CDC37L1: variants seen among roughly 807,000 people sequenced by gnomAD.
CDC37L1 encodes the protein hsp90 co-chaperone Cdc37-like 1.
Under a neutral mutation model 45.9 loss-of-function variants are expected in CDC37L1, and 32 were observed. The ratio of observed to expected loss-of-function variants is 0.70; its 90% CI spans 0.53 to 0.94. The LOEUF (loss-of-function observed/expected upper bound fraction) is 0.94, where lower values mean the gene tolerates loss of function less well. Ranked by LOEUF, CDC37L1 falls within the 40% of genes least tolerant of loss-of-function variation. CDC37L1 has a pLI of 0.00. For synonymous variants in CDC37L1, 150 were observed against 133.0 expected, an observed-to-expected ratio of 1.13 and a Z score of -0.88; for missense variants, 434 against 405.7, an observed-to-expected ratio of 1.07 and a Z score of -0.60.
chr9:4,702,918 G>C (rs1240361973), intron 6 of CDC37L1, among the ~76,000 whole-genome samples: 1 of 141,570 alleles, frequency 7.1e-6, no homozygotes, highest in African/African-American at 2.6e-5. Context: ...AAAAAATCAT[G>C]TCATATAGGC....
chr9:4,687,688 A>T (rs946009531), intron 2 of CDC37L1, among the ~76,000 whole-genome samples: 22 of 150,764 alleles, frequency 1.5e-4, no homozygotes, highest in African/African-American at 4.6e-4. Flanking sequence ...CAAAAAAAAA[A>T]AAAAAAAAAA....
chr9:4,691,809 T>C (rs1300302983), intron 3 of CDC37L1, among the ~76,000 whole-genome samples: 1 of 152,208 alleles, frequency 6.6e-6, no homozygotes, highest in Non-Finnish European at 1.5e-5. Context: ...CTTTTTCCTC[T>C]ACATTTGTAT....
intron 4 of CDC37L1, 112 bp downstream of exon 4, chr9:4,697,323 A>T: frequency 1.6e-6 from 1 of 638,062 alleles, no homozygotes; most frequent in Non-Finnish European, 2.8e-6. Flanking sequence ...GAAAGCAGGA[A>T]GGTCATTAGA....
chr9:4,683,401 C>A (rs1300648067), intron 1 of CDC37L1, among the ~76,000 whole-genome samples: 1 of 151,740 alleles, frequency 6.6e-6, no homozygotes, highest in Non-Finnish European at 1.5e-5. Context: ...TAACTTGGGT[C>A]GGGAGACACT....
In CDC37L1 at chr9:4,706,031, T is replaced by G. The variant is rs1841438333; in HGVS notation, c.933T>G (p.Tyr311Ter). Reference protein sequence around the residue: ...SLPQNPDYLQYSISTALCSLN... With the variant: ...SLPQNPDYLQ ...CCCAGAATCCAGATTATCTTCAGTA[T>G]TCTATCAGTACAGCTCTCTGCAGCT... Residue 311 changes from tyrosine to a stop codon, truncating the protein, a stop_gained, in exon 7 of 7, where the codon TAT becomes TAG. Coordinates refer to ENST00000381854, the MANE Select transcript of CDC37L1 (RefSeq NM_017913.4). LOFTEE classifies it high-confidence loss of function. The G allele has an allele frequency of 6.3e-7, 1 of 1,585,794 alleles. No individual in the cohort carries two copies. Among genetic ancestry groups the G allele is most frequent in the Non-Finnish European group, 8.7e-7 (1 of 1,155,446 alleles).
rs1410647809 is a variant in CDC37L1 at position 4,706,781 on chromosome 9, CTT to C, written c.*671_*672del. ...TTAGAATTTGATTTTACCCTGCTGA[CTT>C]TAAGAGTTATAATAATATCAAATGT... is the stretch of plus-strand genomic sequence containing the variant. On this transcript the variant is annotated 3_prime_UTR_variant, in exon 7 of 7. Transcript: ENST00000381854. The C allele has an allele frequency of 3.3e-5, 5 of 152,262 alleles. No individual in the cohort carries two copies. Among genetic ancestry groups the C allele is most frequent in the Non-Finnish European group, 5.9e-5 (4 of 68,006 alleles). 9.4% of individuals were successfully genotyped at this position (152,262 alleles called of 1,614,324 possible).
Position 4,679,642 on chromosome 9 carries a change from T to G in CDC37L1, c.-126T>G. 3 of 852,180 alleles carry G rather than the reference T, an allele frequency of 3.5e-6. No individual in the cohort carries two copies. The highest frequency in any genetic ancestry group is 5.2e-6 in the Non-Finnish European group (3 of 573,088). 52.8% of individuals were successfully genotyped at this position (852,180 alleles called of 1,614,324 possible). On this transcript the variant is annotated 5_prime_UTR_variant, in exon 1 of 7. In the 5' UTR this introduces an upstream ATG that the reference lacks. Coordinates refer to ENST00000381854, the MANE Select transcript of CDC37L1 (RefSeq NM_017913.4). The stretch of plus-strand genomic sequence containing the variant: ...GCGGCGTCGCGGCCAGTAGAGGGAT[T>G]CTGGGTAACGGCCCGGACCCCCGGC...
chr9:4,695,879 C>T (rs1841343176), intron 3 of CDC37L1, among the ~76,000 whole-genome samples: 1 of 152,184 alleles, frequency 6.6e-6, no homozygotes, highest in Admixed American at 6.5e-5. Context: ...CAACCTCCGC[C>T]TCCTGGGTTC....
intron 6 of CDC37L1, chr9:4,703,139 G>A (rs909996354): frequency 5.9e-6 from 9 of 1,513,870 alleles, no homozygotes; most frequent in African/African-American, 2.8e-5. Flanking sequence ...TCTACATTGT[G>A]AGAAGGAAAG....
At chr9:4,695,878 C>G (rs1841343152) in intron 3 of CDC37L1, among the ~76,000 whole-genome samples, 10 of 152,132 alleles carry the variant, frequency 6.6e-5, no homozygotes. Flanking sequence ...GCAACCTCCG[C>G]CTCCTGGGTT....
rs928345023 is a variant in CDC37L1 at position 4,685,267 on chromosome 9, A to G, written c.414+109A>G. 61 of 862,250 alleles carry G rather than the reference A, an allele frequency of 7.1e-5. 1 individual carries two copies. Among genetic ancestry groups the G allele is most frequent in the South Asian group, 1.0e-4 (6 of 59,994 alleles). The allele number at this position is 862,250 out of a possible 1,614,324, so 53.4% of individuals were successfully genotyped here. ...AGCAGAATCCCATAAACAGTGTTCA[A>G]TTTTGACAGTTTATGAAAGGTGCTT... On this transcript the variant is annotated intron_variant, in intron 2 of 6. Coordinates refer to ENST00000381854, the MANE Select transcript of CDC37L1 (RefSeq NM_017913.4).
intron 3 of CDC37L1, among the ~76,000 whole-genome samples, chr9:4,696,404 G>A (rs533191531): frequency 1.2e-3 from 179 of 152,176 alleles, no homozygotes; most frequent in South Asian, 2.1e-3. Context: ...AGCACTTTGG[G>A]AGGCCTAGCC....
intron 1 of CDC37L1, among the ~76,000 whole-genome samples, chr9:4,681,613 G>A (rs1213160045): frequency 2.6e-5 from 4 of 152,018 alleles, no homozygotes; most frequent in Non-Finnish European, 5.9e-5. Flanking sequence ...TCCAGCCTGG[G>A]CAACAAGAGC....
chr9:4,700,216 T>C (rs958062079), intron 5 of CDC37L1, among the ~76,000 whole-genome samples: 12 of 152,314 alleles, frequency 7.9e-5, no homozygotes, highest in African/African-American at 2.2e-4. Flanking sequence ...AGTGCAGTGG[T>C]GCAATCATTG....
intron 3 of CDC37L1, among the ~76,000 whole-genome samples, chr9:4,693,926 A>C (rs1251141324): frequency 6.6e-6 from 1 of 152,200 alleles, no homozygotes; most frequent in East Asian, 1.9e-4. Flanking sequence ...AAAATGGTGA[A>C]GCCAGTATTT....
intron 6 of CDC37L1, among the ~76,000 whole-genome samples, chr9:4,702,888 C>CAA (rs397829063): frequency 0.024 from 993 of 41,890 alleles, 47 homozygotes; most frequent in African/African-American, 0.042. Context: ...GACTCCGTCT[C>CAA]AAAAAAAAAA....
Position 4,698,710 on chromosome 9 carries a change from C to T in CDC37L1, c.747+831C>T, listed in dbSNP as rs534637987. Among the ~76,000 whole-genome samples the T allele has an allele frequency of 1.6e-3, 247 of 152,124 alleles. 2 individuals carry two copies. Among genetic ancestry groups the T allele is most frequent in the Non-Finnish European group, 1.6e-3 (111 of 68,006 alleles). On this transcript the variant is annotated intron_variant, in intron 5 of 6. Coordinates refer to ENST00000381854, the MANE Select transcript of CDC37L1 (RefSeq NM_017913.4). The stretch of plus-strand genomic sequence containing the variant: ...ATTCTCAAGGTGGGGTCCAGGAACC[C>T]GGAGGGGCTTCAAGACCTTTTCAGG...
chr9:4,683,248 C>G (rs191236067), intron 1 of CDC37L1, among the ~76,000 whole-genome samples: 1 of 151,244 alleles, frequency 6.6e-6, no homozygotes, highest in East Asian at 1.9e-4. Context: ...CACATTTGTC[C>G]CAGTACAAAC....
chr9:4,705,892 G>A, intron 6 of CDC37L1, 119 bp from the exon 7 acceptor site: 1 of 446,002 alleles, frequency 2.2e-6, no homozygotes. Context: ...CTTTCCTACT[G>A]CTCTACTACA....
Sources: gnomAD v4.1 joint callset for allele counts (sites outside exome capture counted in the v4.1 genomes callset) on GRCh38, gnomAD v4.1.1 for gene constraint, MANE v1.5 for transcripts, NCBI Gene and HGNC (gene_info 2026-07-23, HGNC 2026-07-21) for gene names.